PTK2: variants seen among roughly 807,000 people sequenced by gnomAD.
PTK2 encodes protein tyrosine kinase 2.
A neutral mutation model predicts 150.1 loss-of-function variants in PTK2; 45 were observed. The observed-to-expected ratio is 0.30, with a 90% CI of 0.24 to 0.38. PTK2 has a LOEUF of 0.38. PTK2 is among the 10% of genes least tolerant of loss of function. The pLI is 1.00. For synonymous variants in PTK2, 432 were observed against 449.2 expected (o/e 0.96, Z 0.48); for missense variants, 919 against 1,307.3 (o/e 0.70, Z 4.58).
intron 3 of PTK2, among the ~76,000 whole-genome samples, chr8:140,883,810 A>C (rs567990766): frequency 1.2e-3 from 176 of 152,234 alleles, no homozygotes; most frequent in African/African-American, 4.0e-3. Context: ...TCTGTAATAA[A>C]TCACCACAAA....
At chr8:140,889,956 G>A (rs989359956) in intron 3 of PTK2, among the ~76,000 whole-genome samples, 5 of 152,084 alleles carry the variant, frequency 3.3e-5, no homozygotes, top group Admixed American at 2.6e-4. Flanking sequence ...ACGTTTAAAA[G>A]GTATTATTCC....
intron 30 of PTK2, among the ~76,000 whole-genome samples, chr8:140,667,450 TTCTCTCTC>T (rs56914419): frequency 1.8e-4 from 26 of 144,260 alleles, no homozygotes; most frequent in African/African-American, 5.8e-4. Flanking sequence ...TCCTCTTTCT[TTCTCTCTC>T]TCTCTCTCTT....
intron 1 of PTK2, among the ~76,000 whole-genome samples, chr8:140,998,545 G>A (rs370637771): frequency 2.6e-5 from 4 of 151,690 alleles, no homozygotes; most frequent in Non-Finnish European, 5.9e-5. Context: ...CAGGCCAGGC[G>A]CAGTGGCTCA....
At chr8:140,669,301 G>GTGTATATA (rs1554641612) in intron 29 of PTK2, 71 of 97,986 alleles carry the variant, frequency 7.2e-4, no homozygotes, top group African/African-American at 2.7e-3. Flanking sequence ...GCATAAAATG[G>GTGTATATA]TATATATATA....
At position 140,760,664 on chromosome 8, in the gene PTK2, C is replaced by T. The variant is rs534218192; in HGVS notation, c.1332+501G>A. 8.5e-5 allele frequency among the ~76,000 whole-genome samples: 13 copies of T among 152,264 alleles called. No homozygotes were observed. In the East Asian group the frequency reaches 1.5e-3, roughly 18 times the overall value. On this transcript the variant is annotated intron_variant, in intron 16 of 31. Coordinates refer to ENST00000522684, the Ensembl canonical transcript of PTK2. ...TTCCAATTGACAGTGGTGATAGCTG[C>T]ACAACTTTGTGAATACACTGAAAAG...
intron 1 of PTK2, among the ~76,000 whole-genome samples, chr8:140,973,491 C>A (rs773844169): frequency 7.9e-5 from 12 of 151,732 alleles, no homozygotes; most frequent in Non-Finnish European, 1.5e-4. Flanking sequence ...GGCACACATA[C>A]ACACACACGT....
intron 15 of PTK2, among the ~76,000 whole-genome samples, chr8:140,763,748 T>G (rs951399179): frequency 2.6e-5 from 4 of 152,118 alleles, no homozygotes; most frequent in Non-Finnish European, 5.9e-5. Context: ...TATGAGCTAT[T>G]TGTATTGGTT....
chr8:140,931,813 A>G (rs1246656538), intron 1 of PTK2, among the ~76,000 whole-genome samples: 1 of 149,640 alleles, frequency 6.7e-6, no homozygotes, highest in Admixed American at 6.7e-5. Flanking sequence ...GCACACACCT[A>G]TAGTCCCAGC....
In PTK2 at chr8:140,721,565, T is replaced by A. The variant is rs899930531; in HGVS notation, c.2031-3856A>T. 53 of 152,134 alleles carry A rather than the reference T, an allele frequency of 3.5e-4. 1 individual carries two copies. The highest frequency in any genetic ancestry group is 4.4e-5 in the Non-Finnish European group (3 of 68,024). The allele number at this position is 152,134 out of a possible 1,614,324, so 9.4% of individuals were successfully genotyped here. Reference sequence around the variant, plus strand: ...AAGGAGTTAAAAATATGTATTTTTTTTTTTAGAGCTAGGGCATGTGCACAC... The same window carrying A: ...AAGGAGTTAAAAATATGTATTTTTTATTTTAGAGCTAGGGCATGTGCACAC... On this transcript the variant is annotated intron_variant, in intron 22 of 31. Transcript: ENST00000522684.
At chr8:140,686,279 C>A (rs1237799781) in intron 27 of PTK2, among the ~76,000 whole-genome samples, 1 of 152,056 alleles carries the variant, frequency 6.6e-6, no homozygotes, top group Non-Finnish European at 1.5e-5. Flanking sequence ...GGGTGAGGAT[C>A]AAAACACTAC....
intron 1 of PTK2, among the ~76,000 whole-genome samples, chr8:140,927,940 GAAAAAAAAAAAAAAAAAGAA>G (rs1232286111): frequency 8.3e-5 from 3 of 36,276 alleles, no homozygotes; most frequent in East Asian, 8.1e-4. Flanking sequence ...ATCTCAAAAA[GAAAAAAAAAAAAAAAAAGAA>G]AAAAAAAAAA....
chr8:140,933,505 A>G (rs970498072), intron 1 of PTK2, among the ~76,000 whole-genome samples: 27 of 152,214 alleles, frequency 1.8e-4, no homozygotes, highest in African/African-American at 6.5e-4. Flanking sequence ...GGAACGCTAA[A>G]TCCTAGAGCA....
At chr8:140,772,521 C>T (rs1339920062) in intron 14 of PTK2, among the ~76,000 whole-genome samples, 1 of 152,198 alleles carries the variant, frequency 6.6e-6, no homozygotes, top group Non-Finnish European at 1.5e-5. Flanking sequence ...AACAGCGATA[C>T]GGAACATTAC....
intron 1 of PTK2, among the ~76,000 whole-genome samples, chr8:140,930,054 T>C (rs1213261973): frequency 1.3e-5 from 2 of 152,208 alleles, no homozygotes; most frequent in Non-Finnish European, 2.9e-5. Context: ...GAAGTCTAAC[T>C]TCTGGTAGAC....
intron 1 of PTK2, among the ~76,000 whole-genome samples, chr8:140,993,855 A>G (rs2100196646): frequency 6.6e-6 from 1 of 151,898 alleles, no homozygotes; most frequent in Non-Finnish European, 1.5e-5. Flanking sequence ...TCAGCTTCCC[A>G]GGTAGCTGGG....
intron 22 of PTK2, among the ~76,000 whole-genome samples, chr8:140,734,264 T>TTG (rs1378125996): frequency 6.6e-6 from 1 of 152,178 alleles, no homozygotes; most frequent in East Asian, 1.9e-4. Flanking sequence ...TGAAAACAGG[T>TTG]GACACAGCAC....
intron 1 of PTK2, among the ~76,000 whole-genome samples, chr8:140,993,085 A>G (rs1324469720): frequency 6.6e-6 from 1 of 152,234 alleles, no homozygotes; most frequent in African/African-American, 2.4e-5. Flanking sequence ...AATTCCTACA[A>G]GATTGATTTC....
chr8:140,991,393 T>C (rs1201557414), intron 1 of PTK2, among the ~76,000 whole-genome samples: 2 of 152,196 alleles, frequency 1.3e-5, no homozygotes, highest in Non-Finnish European at 2.9e-5. Context: ...CCATACAAAC[T>C]GCTATTTCAA....
At chr8:140,870,526 A>G (rs1380301985) in intron 4 of PTK2, among the ~76,000 whole-genome samples, 3 of 152,176 alleles carry the variant, frequency 2.0e-5, no homozygotes, top group Admixed American at 2.0e-4. Flanking sequence ...AACTTAGTAA[A>G]GATGACACAA....
Sources: allele counts gnomAD v4.1 joint callset (sites outside exome capture counted in the v4.1 genomes callset), GRCh38; gene constraint gnomAD v4.1.1; transcripts MANE v1.5; gene names NCBI Gene and HGNC (gene_info 2026-07-23, HGNC 2026-07-21).